IHO1: variants seen among roughly 807,000 people sequenced by gnomAD.
IHO1 encodes interactor of HORMAD1 protein 1.
A neutral mutation model predicts 31.0 loss-of-function variants in IHO1; 13 were observed. The ratio of observed to expected loss-of-function variants is 0.42; its 90% CI spans 0.27 to 0.67. IHO1 has a LOEUF of 0.67. IHO1 is among the 30% of genes least tolerant of loss of function. IHO1 has a pLI of 0.24. For synonymous variants in IHO1, 221 were observed against 248.4 expected, an observed-to-expected ratio of 0.89 and a Z score of 1.04; for missense variants, 599 against 687.5, an observed-to-expected ratio of 0.87 and a Z score of 1.44.
At chr3:49,244,867 A>G (rs941329073) in intron 6 of IHO1, 134 bp downstream of exon 6, 1 of 775,662 alleles carries the variant, frequency 1.3e-6, no homozygotes, top group Non-Finnish European at 2.3e-6. Flanking sequence ...ATATAGGGTT[A>G]GTCCTGAAGA....
intron 4 of IHO1, among the ~76,000 whole-genome samples, chr3:49,242,562 T>C (rs1382419736): frequency 2.6e-5 from 4 of 152,208 alleles, no homozygotes; most frequent in Admixed American, 6.5e-5. Context: ...GTTACACTTA[T>C]TTTTCCTAAA....
chr3:49,257,351 G>A lies in IHO1; in HGVS notation c.*69G>A. ...TGCAGGACATTTGGGCTGGCCAACA[G>A]CAGAAAGTCCCTGAAGCCTGCCAAG... On this transcript the variant is annotated 3_prime_UTR_variant, in exon 8 of 8. Transcript: ENST00000452691. 1 of 1,481,882 alleles carries A rather than the reference G, an allele frequency of 6.7e-7. No individual in the cohort carries two copies. The highest frequency in any genetic ancestry group is 1.3e-5 in the South Asian group (1 of 78,098). The allele number at this position is 1,481,882 out of a possible 1,614,324, so 91.8% of individuals were successfully genotyped here.
intron 2 of IHO1, among the ~76,000 whole-genome samples, chr3:49,228,521 C>T (rs540353078): frequency 6.6e-6 from 1 of 152,268 alleles, no homozygotes; most frequent in Admixed American, 6.5e-5. Context: ...GGTGAAGGCC[C>T]CACATTGGGC....
chr3:49,244,117 G>A (rs188851641), intron 4 of IHO1, among the ~76,000 whole-genome samples: 3 of 151,962 alleles, frequency 2.0e-5, no homozygotes, highest in East Asian at 1.9e-4. Flanking sequence ...ACCACGCCTG[G>A]CTAATTTTTG....
chr3:49,248,212 G>A (rs2046719867), intron 6 of IHO1, among the ~76,000 whole-genome samples: 1 of 151,720 alleles, frequency 6.6e-6, no homozygotes, highest in Non-Finnish European at 1.5e-5. Flanking sequence ...CACGGGGTCA[G>A]GAGATCAAGA....
rs180704700 is a variant in IHO1, at chr3:49,255,590, C to G, written c.636+97C>G. On this transcript the variant is annotated intron_variant, in intron 7 of 7. Coordinates refer to ENST00000452691, the MANE Select transcript of IHO1 (RefSeq NM_001135197.2). ...TTTTTTTTTTTTTTTGAGACAGAGT[C>G]TCGCTTTGTCGTGCGGTGGTGCAAT... 1.5e-4 allele frequency: 106 copies of G among 708,514 alleles called. No homozygotes were observed. The East Asian group carries it at 3.4e-3, about 22-fold the overall frequency. 43.9% of individuals were successfully genotyped at this position (708,514 alleles called of 1,614,324 possible).
chr3:49,221,653 G>A (rs2046356962), intron 2 of IHO1, among the ~76,000 whole-genome samples: 1 of 152,198 alleles, frequency 6.6e-6, no homozygotes, highest in Non-Finnish European at 1.5e-5. Flanking sequence ...CCAGCCAAAG[G>A]GCCAGTGGGT....
intron 2 of IHO1, among the ~76,000 whole-genome samples, chr3:49,233,166 A>C (rs930394133): frequency 6.6e-6 from 1 of 152,182 alleles, no homozygotes; most frequent in Non-Finnish European, 1.5e-5. Flanking sequence ...CGGCCACACT[A>C]TGTTCAGCTG....
chr3:49,212,142 CGACA>C (rs2046226940), intron 2 of IHO1, among the ~76,000 whole-genome samples: 1 of 133,376 alleles, frequency 7.5e-6, no homozygotes, highest in Non-Finnish European at 1.5e-5. Context: ...CCAGCCTGGG[CGACA>C]GAGCGAGACT....
intron 2 of IHO1, among the ~76,000 whole-genome samples, chr3:49,226,392 T>C (rs2046417279): frequency 6.6e-6 from 1 of 152,188 alleles, no homozygotes; most frequent in African/African-American, 2.4e-5. Context: ...CAGGGGAGTA[T>C]ATTTTCTTAA....
At chr3:49,223,251 G>A (rs2046376051) in intron 2 of IHO1, among the ~76,000 whole-genome samples, 1 of 152,166 alleles carries the variant, frequency 6.6e-6, no homozygotes, top group Admixed American at 6.5e-5. Context: ...CATGGGAGAT[G>A]AGTTTCTTGT....
intron 2 of IHO1, among the ~76,000 whole-genome samples, chr3:49,231,926 G>T (rs1436308836): frequency 6.6e-6 from 1 of 152,194 alleles, no homozygotes; most frequent in East Asian, 1.9e-4. Context: ...TAATCCTCAA[G>T]GATTGGAACC....
At chr3:49,213,235 T>C (rs2046244545) in intron 2 of IHO1, among the ~76,000 whole-genome samples, 1 of 152,152 alleles carries the variant, frequency 6.6e-6, no homozygotes, top group Non-Finnish European at 1.5e-5. Context: ...CACAGAGCAC[T>C]GATTGGTGCA....
At chr3:49,209,031 G>A (rs1431611112) in intron 1 of IHO1, among the ~76,000 whole-genome samples, 1 of 152,114 alleles carries the variant, frequency 6.6e-6, no homozygotes, top group Non-Finnish European at 1.5e-5. Context: ...TTGAATTCTG[G>A]GAAGATGGAC....
At chr3:49,202,026 A>C (rs1232501665) in intron 1 of IHO1, among the ~76,000 whole-genome samples, 5 of 152,186 alleles carry the variant, frequency 3.3e-5, no homozygotes, top group Non-Finnish European at 7.3e-5. Context: ...TAAACAAGAA[A>C]TGTTTTCAGA....
chr3:49,210,008 A>G (rs945437583), intron 1 of IHO1, among the ~76,000 whole-genome samples: 1 of 146,740 alleles, frequency 6.8e-6, no homozygotes, highest in Non-Finnish European at 1.5e-5. Context: ...GAGCCACCGC[A>G]CCCAGCCTCT....
chr3:49,247,073 TCCTAATATCAGGTGATCTGCCCACCTCGG>T (rs1199361239), intron 6 of IHO1, among the ~76,000 whole-genome samples: 1 of 151,830 alleles, frequency 6.6e-6, no homozygotes, highest in Non-Finnish European at 1.5e-5. Context: ...GGTCTCGAAC[TCCTAATATCAGGTGATCTGCCCACCTCGG>T]CCTCCCAAAG....
chr3:49,246,913 G>T (rs2046701807), intron 6 of IHO1, among the ~76,000 whole-genome samples: 1 of 144,950 alleles, frequency 6.9e-6, no homozygotes, highest in Admixed American at 6.9e-5. Flanking sequence ...GGAGTGCGAT[G>T]GCGCGAACTT....
At chr3:49,209,870 A>G (rs1285322843) in intron 1 of IHO1, among the ~76,000 whole-genome samples, 2 of 151,074 alleles carry the variant, frequency 1.3e-5, no homozygotes, top group Non-Finnish European at 2.9e-5. Context: ...GCCCACCACC[A>G]TGCCCGGCTA....
Sources: allele counts gnomAD v4.1 joint callset (sites outside exome capture counted in the v4.1 genomes callset), GRCh38; gene constraint gnomAD v4.1.1; transcripts MANE v1.5; gene names NCBI Gene and HGNC (gene_info 2026-07-23, HGNC 2026-07-21).